Variants in GNAO1 observed in about 807,000 individuals in gnomAD.
GNAO1 encodes G protein subunit alpha o1, also known as guanine nucleotide-binding protein G(o) subunit alpha.
For missense variants in GNAO1, 166 were observed against 478.7 expected, an observed-to-expected ratio of 0.35 and a Z score of 6.10; for synonymous variants, 164 against 180.7, an observed-to-expected ratio of 0.91 and a Z score of 0.74.
chr16:56,224,283 G>T (rs2036515536), intron 2 of GNAO1, among the ~76,000 whole-genome samples: 1 of 152,194 alleles, frequency 6.6e-6, no homozygotes, highest in Non-Finnish European at 1.5e-5. Context: ...TGAGAGGTGA[G>T]AGTCCTGCCT....
intron 2 of GNAO1, among the ~76,000 whole-genome samples, chr16:56,216,652 A>G (rs1279789121): frequency 3.3e-5 from 5 of 152,260 alleles, no homozygotes; most frequent in Non-Finnish European, 7.3e-5. Context: ...ATCAAATGAT[A>G]TAATGGATGT....
chr16:56,247,684 A>G (rs2036762009), intron 2 of GNAO1, among the ~76,000 whole-genome samples: 1 of 152,126 alleles, frequency 6.6e-6, no homozygotes, highest in Admixed American at 6.5e-5. Flanking sequence ...CTGAAATCCT[A>G]TAAAAATAAG....
At chr16:56,223,077 T>C (rs2036505602) in intron 2 of GNAO1, among the ~76,000 whole-genome samples, 1 of 152,240 alleles carries the variant, frequency 6.6e-6, no homozygotes, top group African/African-American at 2.4e-5. Context: ...CAATAAGATG[T>C]ATTGTTTTAC....
At chr16:56,281,652 A>G (rs557006087) in intron 3 of GNAO1, among the ~76,000 whole-genome samples, 4 of 150,486 alleles carry the variant, frequency 2.7e-5, no homozygotes, top group African/African-American at 7.4e-5. Flanking sequence ...TATTATGTAA[A>G]TTGTCTTCAC....
chr16:56,293,802 T>C (rs988987878), intron 3 of GNAO1, among the ~76,000 whole-genome samples: 1 of 151,988 alleles, frequency 6.6e-6, no homozygotes, highest in African/African-American at 2.4e-5. Context: ...TTGCCTGGGG[T>C]GAAAAGGCTC....
intron 3 of GNAO1, among the ~76,000 whole-genome samples, chr16:56,314,517 C>T (rs779778336): frequency 6.6e-5 from 10 of 152,204 alleles, no homozygotes; most frequent in African/African-American, 1.2e-4. Context: ...CAGACGGGTA[C>T]TCGAGTGGAG....
At chr16:56,350,971 A>T (rs2037915453) in intron 6 of GNAO1, among the ~76,000 whole-genome samples, 1 of 151,762 alleles carries the variant, frequency 6.6e-6, no homozygotes, top group Admixed American at 6.6e-5. Flanking sequence ...ACACAGGTGC[A>T]CACACATAGG....
intron 3 of GNAO1, among the ~76,000 whole-genome samples, chr16:56,298,789 C>G (rs2037312644): frequency 6.6e-6 from 1 of 151,866 alleles, no homozygotes; most frequent in African/African-American, 2.4e-5. Flanking sequence ...GTGGCGGGCA[C>G]CTGTAGTCCC....
chr16:56,261,235 G>C (rs2036900943), intron 2 of GNAO1, among the ~76,000 whole-genome samples: 1 of 152,212 alleles, frequency 6.6e-6, no homozygotes, highest in South Asian at 2.1e-4. Flanking sequence ...CATTTGGGGT[G>C]ATCTGTACCT....
intron 2 of GNAO1, among the ~76,000 whole-genome samples, chr16:56,219,711 A>G (rs2036466880): frequency 6.6e-6 from 1 of 152,080 alleles, no homozygotes; most frequent in Non-Finnish European, 1.5e-5. Flanking sequence ...CCATTGTCCC[A>G]TTCCACTTTT....
chr16:56,231,889 G>A (rs563356846), intron 2 of GNAO1, among the ~76,000 whole-genome samples: 1 of 152,288 alleles, frequency 6.6e-6, no homozygotes, highest in East Asian at 1.9e-4. Context: ...CTGGTCCCAG[G>A]AGAAGGTGCA....
chr16:56,288,826 C>T (rs1481522454), intron 3 of GNAO1, among the ~76,000 whole-genome samples: 1 of 152,126 alleles, frequency 6.6e-6, no homozygotes, highest in African/African-American at 2.4e-5. Context: ...AGCCCCTAGG[C>T]CCTGCCTCGG....
At chr16:56,192,783 A>G (rs1854974651) in intron 2 of GNAO1, 167 bp downstream of exon 2, 2 of 578,210 alleles carry the variant, frequency 3.5e-6, no homozygotes, top group Non-Finnish European at 6.4e-6. Flanking sequence ...CCCACTCCCT[A>G]CGTTGGTTCT....
At chr16:56,239,968 G>T (rs1333950199) in intron 2 of GNAO1, among the ~76,000 whole-genome samples, 1 of 152,194 alleles carries the variant, frequency 6.6e-6, no homozygotes, top group Non-Finnish European at 1.5e-5. Context: ...TCTCCACAAA[G>T]ATGTTTATAG....
chr16:56,264,509 C>T (rs1292511751), intron 2 of GNAO1, among the ~76,000 whole-genome samples: 2 of 152,206 alleles, frequency 1.3e-5, no homozygotes, highest in South Asian at 2.1e-4. Flanking sequence ...TGACAATTGG[C>T]AGCTGACATC....
At chr16:56,276,280 A>T (rs1567465746) in intron 3 of GNAO1, 2 of 451,450 alleles carry the variant, frequency 4.4e-6, no homozygotes, top group Non-Finnish European at 3.9e-6. Context: ...TGCAAGTTGC[A>T]GGGGCTACAA....
chr16:56,203,475 A>G (rs143557556), intron 2 of GNAO1, among the ~76,000 whole-genome samples: 18 of 152,224 alleles, frequency 1.2e-4, no homozygotes, highest in African/African-American at 3.9e-4. Flanking sequence ...GTCTGTGGCC[A>G]TGTTTCCACA....
intron 6 of GNAO1, chr16:56,340,621 C>T (rs2037792754): frequency 5.2e-6 from 3 of 578,818 alleles, no homozygotes; most frequent in South Asian, 4.3e-5. Flanking sequence ...CGGCCCTGCT[C>T]CGCCCCGCCC....
At chr16:56,337,539 C>T (rs2037754780) in intron 6 of GNAO1, among the ~76,000 whole-genome samples, 1 of 152,260 alleles carries the variant, frequency 6.6e-6, no homozygotes, top group African/African-American at 2.4e-5. Context: ...TGGGAGAGTG[C>T]AGCCTTCCTC....
Sources: allele counts gnomAD v4.1 joint callset (sites outside exome capture counted in the v4.1 genomes callset), GRCh38; gene constraint gnomAD v4.1.1; transcripts MANE v1.5; gene names NCBI Gene and HGNC (gene_info 2026-07-23, HGNC 2026-07-21).